AATF: variants seen among roughly 807,000 people sequenced by gnomAD.
AATF encodes the protein protein AATF.
AATF carries 48 observed loss-of-function variants against 63.7 expected under a neutral mutation model. That is an observed-to-expected ratio of 0.75 (90% CI 0.60 to 0.96). The LOEUF (loss-of-function observed/expected upper bound fraction) is 0.96, where lower values mean the gene tolerates loss of function less well. Among genes scored for constraint, AATF ranks in the 40% least tolerant of loss-of-function variants. The pLI is 0.00. For missense variants in AATF, 639 were observed against 685.7 expected, an observed-to-expected ratio of 0.93 and a Z score of 0.76; for synonymous variants, 258 against 247.7, an observed-to-expected ratio of 1.04 and a Z score of -0.39.
chr17:37,018,720 T>C (rs1358816945), intron 8 of AATF, among the ~76,000 whole-genome samples: 5 of 152,214 alleles, frequency 3.3e-5, no homozygotes, highest in Admixed American at 6.5e-5. Flanking sequence ...ATAAAAATAA[T>C]GAAGGGAATG....
In AATF at chr17:37,056,598, T is replaced by C. The variant is rs1434064766; in HGVS notation, c.1620-3T>C. The C allele has an allele frequency of 6.2e-6, 10 of 1,614,076 alleles. No individual in the cohort carries two copies. The East Asian group carries it at 2.2e-4, about 36-fold the overall frequency. On this transcript the variant is annotated splice_region_variant and splice_polypyrimidine_tract_variant and intron_variant, in intron 11 of 11. Coordinates refer to ENST00000619387, the MANE Select transcript of AATF (RefSeq NM_012138.4). Reference sequence around the variant, plus strand: ...TAACCAGTTTGCTGTGTTTGTCTTTTAGGACAGAACTGTACCGCTCTCTTT... The same window carrying C: ...TAACCAGTTTGCTGTGTTTGTCTTTCAGGACAGAACTGTACCGCTCTCTTT...
At chr17:37,006,221 G>A (rs1262661450) in intron 8 of AATF, among the ~76,000 whole-genome samples, 1 of 152,190 alleles carries the variant, frequency 6.6e-6, no homozygotes, top group African/African-American at 2.4e-5. Context: ...TGTAATCCCA[G>A]CACTTTGGGA....
chr17:37,008,997 T>G (rs145308102), intron 8 of AATF, among the ~76,000 whole-genome samples: 1 of 152,338 alleles, frequency 6.6e-6, no homozygotes, highest in Non-Finnish European at 1.5e-5. Context: ...AAAGATGTGC[T>G]TGCTCTCATT....
At chr17:37,023,038 A>G (rs1443612540) in intron 10 of AATF, among the ~76,000 whole-genome samples, 2 of 152,134 alleles carry the variant, frequency 1.3e-5, no homozygotes, top group Non-Finnish European at 2.9e-5. Context: ...TTTTTCTCCA[A>G]TACTGTACTT....
intron 11 of AATF, among the ~76,000 whole-genome samples, chr17:37,037,315 GACAGCGTC>G (rs1470725856): frequency 6.6e-6 from 1 of 152,138 alleles, no homozygotes; most frequent in Admixed American, 6.5e-5. Flanking sequence ...ATACCTGGCT[GACAGCGTC>G]ATCTTTAAGA....
intron 8 of AATF, among the ~76,000 whole-genome samples, chr17:37,014,841 T>G (rs1012011707): frequency 2.0e-5 from 3 of 152,220 alleles, no homozygotes; most frequent in African/African-American, 7.2e-5. Flanking sequence ...TTTGGCTTTC[T>G]TTTTGTTTTA....
At chr17:36,967,941 G>A (rs531859659) in intron 4 of AATF, among the ~76,000 whole-genome samples, 3 of 147,888 alleles carry the variant, frequency 2.0e-5, no homozygotes, top group African/African-American at 7.5e-5. Context: ...ATGATGCACC[G>A]TAGCGTAGAT....
At chr17:37,055,408 A>C (rs1344834285) in intron 11 of AATF, 1 of 152,082 alleles carries the variant, frequency 6.6e-6, no homozygotes, top group Non-Finnish European at 1.5e-5. Flanking sequence ...CCTATCCATA[A>C]CTATAGTAGG....
At chr17:36,989,549 G>A in intron 7 of AATF, 138 bp downstream of exon 7, 1 of 887,364 alleles carries the variant, frequency 1.1e-6, no homozygotes, top group Non-Finnish European at 1.6e-6. Context: ...CTGGATTACT[G>A]AGAGAAACTT....
At chr17:37,048,066 G>GT (rs1252158862) in intron 11 of AATF, among the ~76,000 whole-genome samples, 3 of 151,966 alleles carry the variant, frequency 2.0e-5, no homozygotes, top group South Asian at 2.1e-4. Flanking sequence ...CTGCTTTGTG[G>GT]TTTTTTTATG....
At chr17:36,955,158 G>C (rs1442776242) in intron 4 of AATF, among the ~76,000 whole-genome samples, 1 of 152,176 alleles carries the variant, frequency 6.6e-6, no homozygotes, top group Non-Finnish European at 1.5e-5. Flanking sequence ...GTATCATGGA[G>C]TTAGAGTTGG....
At chr17:36,990,436 A>G (rs2071204759) in intron 7 of AATF, among the ~76,000 whole-genome samples, 1 of 152,210 alleles carries the variant, frequency 6.6e-6, no homozygotes, top group African/African-American at 2.4e-5. Context: ...AAGAAAATAC[A>G]CCAAATTCTG....
chr17:36,952,699 CT>C (rs1474367288), intron 2 of AATF, among the ~76,000 whole-genome samples, 186 bp from the exon 3 acceptor site: 1 of 152,212 alleles, frequency 6.6e-6, no homozygotes, highest in Non-Finnish European at 1.5e-5. Flanking sequence ...GACCCGTGTT[CT>C]ATTCATCTTT....
Position 36,950,335 on chromosome 17 carries a change from T to A in AATF, c.213T>A (p.Tyr71Ter). ...SASLLDTDKR[Y>*]CGKTTSRKAW... The stretch of plus-strand genomic sequence containing the variant: ...CCCTCTTGGACACGGACAAAAGGTA[T>A]TGCGGCAAAACCACCTCTAGAAAAG... Residue 71 changes from tyrosine to a stop codon, truncating the protein, a stop_gained, in exon 2 of 12, where the codon TAT becomes TAA. Transcript: ENST00000619387. LOFTEE classifies it high-confidence loss of function. The A allele has an allele frequency of 6.2e-7, 1 of 1,614,158 alleles. No individual in the cohort carries two copies. The highest frequency in any genetic ancestry group is 8.5e-7 in the Non-Finnish European group (1 of 1,180,022).
chr17:36,966,039 G>C (rs1369883162), intron 4 of AATF, among the ~76,000 whole-genome samples: 1 of 151,722 alleles, frequency 6.6e-6, no homozygotes, highest in Non-Finnish European at 1.5e-5. Flanking sequence ...CTTCAGTTTT[G>C]GGAAAATCTT....
chr17:37,035,276 T>C (rs1301254062), intron 11 of AATF, among the ~76,000 whole-genome samples: 2 of 151,808 alleles, frequency 1.3e-5, no homozygotes, highest in Admixed American at 1.3e-4. Context: ...TGGAGAGCCA[T>C]GGCACTATTT....
chr17:37,045,018 A>T (rs2071677557), intron 11 of AATF, among the ~76,000 whole-genome samples: 1 of 152,182 alleles, frequency 6.6e-6, no homozygotes, highest in African/African-American at 2.4e-5. Flanking sequence ...AAGTGCATTA[A>T]CAAAGCATAA....
In AATF at chr17:36,952,975, G is replaced by A; in HGVS notation, c.373G>A (p.Ala125Thr). The A allele has an allele frequency of 6.2e-7, 1 of 1,614,188 alleles. No individual in the cohort carries two copies. Among genetic ancestry groups the A allele is most frequent in the Non-Finnish European group, 8.5e-7 (1 of 1,180,040 alleles). Reference protein sequence around the residue: ...EEYDEDDLGAAEEQECGDHRE... With the variant: ...EEYDEDDLGATEEQECGDHRE... ...ATATGATGAGGACGACCTGGGTGCTGCTGAGGAACAGGAGTGTGGTGATCA... is the reference window on the plus strand; with the variant it reads ...ATATGATGAGGACGACCTGGGTGCTACTGAGGAACAGGAGTGTGGTGATCA... The change falls in exon 3 of 12, where the codon GCT becomes ACT. Residue 125 changes from alanine to threonine, a missense_variant. By Grantham distance (58) the Ala-to-Thr change is moderately conservative. Coordinates refer to ENST00000619387, the MANE Select transcript of AATF (RefSeq NM_012138.4).
chr17:36,962,893 A>G, intron 4 of AATF, among the ~76,000 whole-genome samples: 1 of 152,192 alleles, frequency 6.6e-6, no homozygotes, highest in East Asian at 1.9e-4. Context: ...AGGCCGAGGC[A>G]GGCGAATCAC....
Sources: allele counts gnomAD v4.1 joint callset (sites outside exome capture counted in the v4.1 genomes callset), GRCh38; gene constraint gnomAD v4.1.1; transcripts MANE v1.5; gene names NCBI Gene and HGNC (gene_info 2026-07-23, HGNC 2026-07-21).